The following COL7A1 variants were observed in gnomAD, a reference collection of about 807,000 sequenced individuals.
COL7A1 encodes collagen type VII alpha 1 chain, also known as collagen alpha-1(VII) chain.
COL7A1 carries 296 observed loss-of-function variants against 456.2 expected under a neutral mutation model. The ratio of observed to expected loss-of-function variants is 0.65; its 90% CI spans 0.59 to 0.71. COL7A1 has a LOEUF of 0.71. Among genes scored for constraint, COL7A1 ranks in the 30% least tolerant of loss-of-function variants. The pLI is 0.00. For missense variants in COL7A1, 3,441 were observed against 4,017.2 expected (o/e 0.86, Z 3.88); for synonymous variants, 1,464 against 1,525.9 (o/e 0.96, Z 0.95).
Position 48,579,269 on chromosome 3 carries a change from C to G in COL7A1, c.5316G>C (p.Arg1772=). The part of the protein sequence containing the change: ...VRGPAGEKGD[R]GPPGLDGRSG... The stretch of plus-strand genomic sequence containing the variant: ...TCCGGCCATCCAGCCCAGGGGGACC[C>G]CGGTCACCCTGTGGAAAATAGAGTG... Residue 1772 remains arginine, a synonymous_variant, in exon 62 of 119, where the codon CGG becomes CGC. Coordinates refer to ENST00000681320, the MANE Select transcript of COL7A1 (RefSeq NM_000094.4). This position sits in a 1 kb window ranked among gnomAD's most constrained non-coding sequence, Gnocchi z 4.4. 1 of 1,613,994 alleles carries G rather than the reference C, an allele frequency of 6.2e-7. No homozygotes were observed. The highest frequency in any genetic ancestry group is 1.1e-5 in the South Asian group (1 of 91,080).
In COL7A1 at chr3:48,580,198, G is replaced by A; in HGVS notation, c.5097+102C>T. The A allele has an allele frequency of 1.3e-6, 2 of 1,546,060 alleles. No homozygotes were observed. The highest frequency in any genetic ancestry group is 3.6e-5 in the Admixed American group (2 of 54,920). ...CCAGCAGGCATGGGTGGCCATCCAT[G>A]CTTCCCACCTGGACCTCCAGACCCC... On this transcript the variant is annotated intron_variant, in intron 56 of 118. Coordinates refer to ENST00000681320, the MANE Select transcript of COL7A1 (RefSeq NM_000094.4). The surrounding 1 kb of genome is among the most constrained non-coding windows in gnomAD (Gnocchi z 4.5).
Position 48,587,478 on chromosome 3 carries a change from T to G in COL7A1, c.2934A>C (p.Pro978=), listed in dbSNP as rs748311145. The change falls in exon 23 of 119, where the codon CCA becomes CCC. Residue 978 remains proline (P), a synonymous_variant. Transcript: ENST00000681320. The surrounding 1 kb of genome is among the most constrained non-coding windows in gnomAD (Gnocchi z 6.1). The stretch of plus-strand genomic sequence containing the variant: ...GGATGTAGCTGGATGCCCTGGACAC[T>G]GGAGTCCAGGCCAAAGTCACCGAGT... ...SIDSVTLAWT[P]VSRASSYILS... 6.9e-5 allele frequency: 112 copies of G among 1,613,130 alleles called. No homozygotes were observed. The highest frequency in any genetic ancestry group is 9.2e-5 in the Non-Finnish European group (108 of 1,180,006).
At position 48,579,427 on chromosome 3, in the gene COL7A1, A is replaced by T; in HGVS notation, c.5272-23T>A. The T allele has an allele frequency of 6.2e-7, 1 of 1,614,186 alleles. No homozygotes were observed. The highest frequency in any genetic ancestry group is 8.5e-7 in the Non-Finnish European group (1 of 1,180,014). On this transcript the variant is annotated intron_variant, in intron 60 of 118. Transcript: ENST00000681320. The surrounding 1 kb of genome is among the most constrained non-coding windows in gnomAD (Gnocchi z 4.4). ...CCCCTGGAGGGAACAGGGTCAGATAAGAGGTGAGGGTAAGATGGGGACTTG... is the reference window on the plus strand; with the variant it reads ...CCCCTGGAGGGAACAGGGTCAGATATGAGGTGAGGGTAAGATGGGGACTTG...
chr3:48,583,592 T>C lies in COL7A1; in HGVS notation c.4365A>G (p.Pro1455=). ...GAGACCCAGGTTGTCCTGGGAGGCC[T>C]GGAGCTCCATCCTCAGAGTCACCCT... is the stretch of plus-strand genomic sequence containing the variant. ...GEKGDSEDGA[P]GLPGQPGSPG... The change falls in exon 41 of 119, where the codon CCA becomes CCG. Residue 1455 remains proline (P), a synonymous_variant. Coordinates refer to ENST00000681320, the MANE Select transcript of COL7A1 (RefSeq NM_000094.4). This position sits in a 1 kb window ranked among gnomAD's most constrained non-coding sequence, Gnocchi z 5.1. 4 of 1,613,970 alleles carry C rather than the reference T, an allele frequency of 2.5e-6. No individual in the cohort carries two copies. Among genetic ancestry groups the C allele is most frequent in the Non-Finnish European group, 2.5e-6 (3 of 1,179,988 alleles).
At position 48,571,195 on chromosome 3, in the gene COL7A1, G is replaced by A; in HGVS notation, c.7105-35C>T. 9 of 1,614,046 alleles carry A rather than the reference G, an allele frequency of 5.6e-6. No homozygotes were observed. On this transcript the variant is annotated intron_variant, in intron 93 of 118. Coordinates refer to ENST00000681320, the MANE Select transcript of COL7A1 (RefSeq NM_000094.4). This position sits in a 1 kb window ranked among gnomAD's most constrained non-coding sequence, Gnocchi z 4.6. ...AAAGAGGCATCGGATCAAGCTCAGG[G>A]AGTCTCACGACCAGGACCCCAGCAG...
Position 48,591,375 on chromosome 3 carries a change from T to C in COL7A1, c.1636+89A>G. 1 of 1,542,164 alleles carries C rather than the reference T, an allele frequency of 6.5e-7. No individual in the cohort carries two copies. Among genetic ancestry groups the C allele is most frequent in the South Asian group, 1.2e-5 (1 of 85,174 alleles). The stretch of plus-strand genomic sequence containing the variant: ...AGGGAGGAGACTATAGGGACCCAGG[T>C]GTGGAAGGAGAGGGCTGGAGGTACA... On this transcript the variant is annotated intron_variant, in intron 13 of 118. Transcript: ENST00000681320. The surrounding 1 kb of genome is among the most constrained non-coding windows in gnomAD (Gnocchi z 7.0).
chr3:48,593,147 G>T lies in COL7A1; in HGVS notation c.637C>A (p.Arg213=). 6.2e-7 allele frequency: 1 copy of T among 1,614,076 alleles called. No individual in the cohort carries two copies. The highest frequency in any genetic ancestry group is 8.5e-7 in the Non-Finnish European group (1 of 1,180,014). ...CCACCAGCAGTCGTGCACACTCTCC[G>T]GGAAACGAGGGGCAGTAGTGTCCTC... ...ILRTLLPLVS[R]RVCTTAGGVP... Residue 213 remains arginine (R), a synonymous_variant, in exon 6 of 119, where the codon CGG becomes AGG. Transcript: ENST00000681320. The surrounding 1 kb of genome is among the most constrained non-coding windows in gnomAD (Gnocchi z 4.4).
At position 48,564,628 on chromosome 3, in the gene COL7A1, C is replaced by T. The variant is rs1368290745; in HGVS notation, c.8818+155G>A. On this transcript the variant is annotated intron_variant, in intron 118 of 118. Coordinates refer to ENST00000681320, the MANE Select transcript of COL7A1 (RefSeq NM_000094.4). This position sits in a 1 kb window ranked among gnomAD's most constrained non-coding sequence, Gnocchi z 6.0. Reference sequence around the variant, plus strand: ...TCCACGGCTGGGGCTCTATATTCAGCTCTTTGGTCTGGGCGTCTGCCCCAG... The same window carrying T: ...TCCACGGCTGGGGCTCTATATTCAGTTCTTTGGTCTGGGCGTCTGCCCCAG... 1 of 1,049,258 alleles carries T rather than the reference C, an allele frequency of 9.5e-7. No individual in the cohort carries two copies. The highest frequency in any genetic ancestry group is 2.6e-5 in the East Asian group (1 of 38,510). 65.0% of individuals were successfully genotyped at this position (1,049,258 alleles called of 1,614,324 possible). A position where few individuals can be genotyped will look rare whatever the true frequency, so the allele number is the denominator to read the frequency against.
At chr3:48,584,242 G>T in intron 37 of COL7A1, 56 bp downstream of exon 37, 1 of 1,553,718 alleles carries the variant, frequency 6.4e-7, no homozygotes, top group Non-Finnish European at 8.8e-7. Context: ...GGGGTTATGT[G>T]GGTTCAAATG....
At position 48,579,986 on chromosome 3, in the gene COL7A1, C is replaced by T. The variant is rs1179028011; in HGVS notation, c.5124+45G>A. 1 of 1,613,764 alleles carries T rather than the reference C, an allele frequency of 6.2e-7. No individual in the cohort carries two copies. Among genetic ancestry groups the T allele is most frequent in the East Asian group, 2.2e-5 (1 of 44,862 alleles). The stretch of plus-strand genomic sequence containing the variant: ...GGGACATGATGTGGAGCCAAAGGGG[C>T]AAGTGAGAACAATGACAGAGGACCA... On this transcript the variant is annotated intron_variant, in intron 57 of 118. Transcript: ENST00000681320. The surrounding 1 kb of genome is among the most constrained non-coding windows in gnomAD (Gnocchi z 4.4).
chr3:48,585,770 C>G lies in COL7A1; in HGVS notation c.3787-36G>C. 6.2e-7 allele frequency: 1 copy of G among 1,614,020 alleles called. No individual in the cohort carries two copies. The highest frequency in any genetic ancestry group is 1.7e-5 in the Admixed American group (1 of 60,034). ...TAATCAGTGAGACCTGTGCTGCCAA[C>G]CTCTCCTGCCCCACTGACACTCAAC... On this transcript the variant is annotated intron_variant, in intron 30 of 118. Transcript: ENST00000681320. The surrounding 1 kb of genome is among the most constrained non-coding windows in gnomAD (Gnocchi z 4.5).
Position 48,590,837 on chromosome 3 carries a change from G to C in COL7A1, c.1637-21C>G, listed in dbSNP as rs1168624464. ...AACCCCTAAGAGAGAAGTCAGGGTA[G>C]GTGGGCAGGGGTCAGAAAGAGACAG... On this transcript the variant is annotated intron_variant, in intron 13 of 118. Coordinates refer to ENST00000681320, the MANE Select transcript of COL7A1 (RefSeq NM_000094.4). The surrounding 1 kb of genome is among the most constrained non-coding windows in gnomAD (Gnocchi z 4.6). The C allele has an allele frequency of 1.9e-6, 3 of 1,611,152 alleles. No individual in the cohort carries two copies. The highest frequency in any genetic ancestry group is 2.2e-5 in the South Asian group (2 of 91,068).
In COL7A1 at chr3:48,591,548, C is replaced by T. The variant is rs767452404; in HGVS notation, c.1552G>A (p.Glu518Lys). 8.7e-6 allele frequency: 14 copies of T among 1,613,630 alleles called. No homozygotes were observed. Among genetic ancestry groups the T allele is most frequent in the East Asian group, 6.7e-5 (3 of 44,876 alleles). Residue 518 changes from glutamate (E) to lysine (K), a missense_variant, in exon 13 of 119, where the codon GAG becomes AAG. By Grantham distance (56) the Glu-to-Lys change is moderately conservative. This residue lies in a region of COL7A1 where 913 missense variants were observed against 1,088.2 expected (regional missense o/e 0.84). Coordinates refer to ENST00000681320, the MANE Select transcript of COL7A1 (RefSeq NM_000094.4). The surrounding 1 kb of genome is among the most constrained non-coding windows in gnomAD (Gnocchi z 7.0). ...VSPVTDLQAT[E>K]LPGQRVRVSW... ...ACTCGCACCCGCTGCCCGGGCAGCT[C>T]GGTGGCTTGCAGGTCTGTTACAGGG...
In COL7A1 at chr3:48,583,010, T is replaced by C. The variant is rs2044886700; in HGVS notation, c.4518+3A>G. On this transcript the variant is annotated splice_donor_region_variant and intron_variant, in intron 44 of 118. Coordinates refer to ENST00000681320, the MANE Select transcript of COL7A1 (RefSeq NM_000094.4). This position sits in a 1 kb window ranked among gnomAD's most constrained non-coding sequence, Gnocchi z 5.1. ...GTATGAGCATTGCAGCCAGTGGGTT[T>C]ACCCGGGATCCCGCTGGGCCTGGGG... 1 of 1,613,898 alleles carries C rather than the reference T, an allele frequency of 6.2e-7. No homozygotes were observed. Among genetic ancestry groups the C allele is most frequent in the African/African-American group, 1.3e-5 (1 of 74,860 alleles).
Position 48,566,185 on chromosome 3 carries a change from G to A in COL7A1, c.8407+82C>T, listed in dbSNP as rs2043595883. 7.0e-7 allele frequency: 1 copy of A among 1,438,110 alleles called. No individual in the cohort carries two copies. The highest frequency in any genetic ancestry group is 1.4e-5 in the African/African-American group (1 of 70,956). The allele number at this position is 1,438,110 out of a possible 1,614,324, so 89.1% of individuals were successfully genotyped here. Reference sequence around the variant, plus strand: ...CATCCCCCCATCTTCTTGACTGCTTGCCCTGTAAGTTCTAGGGGCCTGCCT... The same window carrying A: ...CATCCCCCCATCTTCTTGACTGCTTACCCTGTAAGTTCTAGGGGCCTGCCT... On this transcript the variant is annotated intron_variant, in intron 114 of 118. Transcript: ENST00000681320. This position sits in a 1 kb window ranked among gnomAD's most constrained non-coding sequence, Gnocchi z 5.9.
chr3:48,569,011 G>A lies in COL7A1; in HGVS notation c.7687-156C>T, dbSNP rs956529378. Among the ~76,000 whole-genome samples, 6 of 152,202 alleles carry A rather than the reference G, an allele frequency of 3.9e-5. No individual in the cohort carries two copies. Among genetic ancestry groups the A allele is most frequent in the Admixed American group, 3.9e-4 (6 of 15,300 alleles). ...CTGTGCCATAGCGGGTGGAACTGGG[G>A]GCTGTAGTCCACAGACTGGCTCATT... On this transcript the variant is annotated intron_variant, in intron 103 of 118. Transcript: ENST00000681320. The surrounding 1 kb of genome is among the most constrained non-coding windows in gnomAD (Gnocchi z 4.9).
Position 48,595,176 on chromosome 3 carries a change from C to A in COL7A1, c.-1-16G>T. ...CAGCGTCATCCTAGGCAGTAAAAGC[C>A]GTCAGCTAGGACCCCCGCCTCTGTC... On this transcript the variant is annotated splice_polypyrimidine_tract_variant and intron_variant, in intron 1 of 118. Transcript: ENST00000681320. 1 of 1,548,544 alleles carries A rather than the reference C, an allele frequency of 6.5e-7. No homozygotes were observed. Among genetic ancestry groups the A allele is most frequent in the South Asian group, 1.2e-5 (1 of 84,068 alleles).
In COL7A1 at chr3:48,579,748, G is replaced by C; in HGVS notation, c.5154+37C>G. 1 of 1,613,942 alleles carries C rather than the reference G, an allele frequency of 6.2e-7. No individual in the cohort carries two copies. Among genetic ancestry groups the C allele is most frequent in the South Asian group, 1.1e-5 (1 of 91,076 alleles). ...GGTAGAACCTGCTGGGAGGGGCACT[G>C]GGGTCTTTCTTACCCTCCACCCACA... is the stretch of plus-strand genomic sequence containing the variant. On this transcript the variant is annotated intron_variant, in intron 58 of 118. Coordinates refer to ENST00000681320, the MANE Select transcript of COL7A1 (RefSeq NM_000094.4). This position sits in a 1 kb window ranked among gnomAD's most constrained non-coding sequence, Gnocchi z 4.4.
rs753560637 is a variant in COL7A1, at chr3:48,594,493, TGAG to T, written c.138_140del (p.Ser48del). 1 of 1,612,132 alleles carries T rather than the reference TGAG, an allele frequency of 6.2e-7. No homozygotes were observed. The highest frequency in any genetic ancestry group is 8.5e-7 in the Non-Finnish European group (1 of 1,179,962). ...CGCGGAAATTGCTGCGGCCAATGGA[TGAG>T]GAGCCATCCAGTAAGAACACAATGT... On this transcript the variant is annotated inframe_deletion, in exon 3 of 119. Coordinates refer to ENST00000681320, the MANE Select transcript of COL7A1 (RefSeq NM_000094.4). This position sits in a 1 kb window ranked among gnomAD's most constrained non-coding sequence, Gnocchi z 5.5.
Sources: gnomAD v4.1 joint callset for allele counts (sites outside exome capture counted in the v4.1 genomes callset) on GRCh38, gnomAD v4.1.1 for gene constraint, gnomAD v4.1.1 regional missense constraint, Gnocchi (gnomAD v3.1) non-coding constraint, MANE v1.5 for transcripts, NCBI Gene and HGNC (gene_info 2026-07-23, HGNC 2026-07-21) for gene names.